SNX29: variants seen among roughly 807,000 people sequenced by gnomAD.
SNX29 encodes sorting nexin 29.
In SNX29, 78 loss-of-function variants were observed where a neutral mutation model predicts 102.1. The observed-to-expected ratio is 0.76, with a 90% CI of 0.64 to 0.92. The LOEUF (loss-of-function observed/expected upper bound fraction) is 0.92. Among genes scored for constraint, SNX29 ranks in the 40% least tolerant of loss-of-function variants. The probability of loss-of-function intolerance (pLI) is 0.00; values close to 1 mark genes in which losing one functional copy is unlikely to be tolerated. For synonymous variants in SNX29, 580 were observed against 414.5 expected, an observed-to-expected ratio of 1.40 and a Z score of -4.85; for missense variants, 1,280 against 1,061.7, an observed-to-expected ratio of 1.21 and a Z score of -2.86.
chr16:12,526,827 C>T, intron 20 of SNX29: 1 of 404,418 alleles, frequency 2.5e-6, no homozygotes, highest in Non-Finnish European at 4.7e-6. Context: ...TCCAGTGTTT[C>T]CCAAACATTC....
chr16:12,549,824 C>G (rs1274507492), intron 20 of SNX29, among the ~76,000 whole-genome samples: 2 of 152,252 alleles, frequency 1.3e-5, no homozygotes, highest in Admixed American at 6.5e-5. Flanking sequence ...CCTGTGTGGC[C>G]AGGCCTTGCC....
intron 20 of SNX29, among the ~76,000 whole-genome samples, chr16:12,561,609 C>G (rs144179396): frequency 6.6e-6 from 1 of 152,194 alleles, no homozygotes; most frequent in East Asian, 1.9e-4. Context: ...CAGGACACAA[C>G]GCAGTGTACC....
chr16:12,531,001 G>T (rs1047487022), intron 20 of SNX29, among the ~76,000 whole-genome samples: 4 of 152,320 alleles, frequency 2.6e-5, no homozygotes, highest in African/African-American at 9.6e-5. Flanking sequence ...CTGTAGTCTG[G>T]AACATCTCGA....
intron 20 of SNX29, among the ~76,000 whole-genome samples, chr16:12,565,458 G>C (rs2078959766): frequency 6.6e-6 from 1 of 152,080 alleles, no homozygotes; most frequent in South Asian, 2.1e-4. Flanking sequence ...TCCTCATCCT[G>C]GGTTCTCTCA....
chr16:12,113,942 C>T (rs560914325), intron 11 of SNX29, among the ~76,000 whole-genome samples: 1 of 152,328 alleles, frequency 6.6e-6, no homozygotes, highest in South Asian at 2.1e-4. Context: ...CTTGTGTAAC[C>T]TCCGCATTTT....
intron 15 of SNX29, among the ~76,000 whole-genome samples, chr16:12,322,155 C>T (rs1012066812): frequency 1.3e-5 from 2 of 152,182 alleles, no homozygotes; most frequent in African/African-American, 4.8e-5. Flanking sequence ...AATGCTTGTC[C>T]CTGCGTCCTA....
chr16:12,330,515 C>T (rs13331380), intron 15 of SNX29, among the ~76,000 whole-genome samples: 8,407 of 152,258 alleles, frequency 0.055, 492 homozygotes, highest in African/African-American at 0.14. Context: ...GCTTTCACTG[C>T]GAACTGTTTA....
rs149570407 is a variant in SNX29, at chr16:12,133,167, A to G, written c.1595+3409A>G. ...TGCAGGTGGATACAGCTAGGGCTTT[A>G]TGGTCCAGGTGCCTGCCTTGTACTG... On this transcript the variant is annotated intron_variant, in intron 13 of 20. Coordinates refer to ENST00000566228, the MANE Select transcript of SNX29 (RefSeq NM_032167.5). 1.4e-3 allele frequency among the ~76,000 whole-genome samples: 203 copies of G among 148,844 alleles called. 2 individuals are homozygous for G. In the Middle Eastern group the frequency reaches 0.014, roughly 10 times the overall value.
Position 12,477,822 on chromosome 16 carries a change from C to T in SNX29, c.2141C>T (p.Ala714Val), listed in dbSNP as rs779581679. ...KLQNKYPQVRAYNFPPKKAIG... is the reference protein window; with the variant it reads ...KLQNKYPQVRVYNFPPKKAIG... ...CAAAACAAGTACCCTCAAGTGAGGG[C>T]CTACAACTTCCCACCCAAAAAGGCC... The change falls in exon 19 of 21, where the codon GCC (alanine) becomes GTC (valine). Residue 714 changes from alanine to valine, a missense_variant. Transcript: ENST00000566228. 3 of 1,611,552 alleles carry T rather than the reference C, an allele frequency of 1.9e-6. No individual in the cohort carries two copies. The highest frequency in any genetic ancestry group is 2.5e-6 in the Non-Finnish European group (3 of 1,179,130).
chr16:12,285,759 T>A (rs1295626079), intron 15 of SNX29, among the ~76,000 whole-genome samples: 1 of 152,258 alleles, frequency 6.6e-6, no homozygotes, highest in Non-Finnish European at 1.5e-5. Flanking sequence ...AATAAAATAC[T>A]GGATTTTTTA....
At chr16:12,052,865 T>G (rs2050363476) in intron 8 of SNX29, 1 of 154,008 alleles carries the variant, frequency 6.5e-6, no homozygotes, top group Non-Finnish European at 1.4e-5. Context: ...TGGATTTTCC[T>G]TGCATCTGAC....
At position 12,010,617 on chromosome 16, in the gene SNX29, C is replaced by G. The variant is rs533307800; in HGVS notation, c.122+7574C>G. On this transcript the variant is annotated intron_variant, in intron 3 of 20. Transcript: ENST00000566228. ...CTCTAGCCTGGGCGATGTGAGACCTCGTCTCAAAACAAACAAACAAACAAA... is the reference window on the plus strand; with the variant it reads ...CTCTAGCCTGGGCGATGTGAGACCTGGTCTCAAAACAAACAAACAAACAAA... 5.9e-5 allele frequency among the ~76,000 whole-genome samples: 9 copies of G among 152,162 alleles called. No homozygotes were observed. In the Middle Eastern group the frequency reaches 0.01, roughly 173 times the overall value.
chr16:12,482,401 A>C (rs2087989709), intron 19 of SNX29, among the ~76,000 whole-genome samples: 1 of 152,062 alleles, frequency 6.6e-6, no homozygotes, highest in African/African-American at 2.4e-5. Context: ...TCCTGGGTTC[A>C]AGTGACCCTC....
chr16:12,514,872 CAAAGAAAG>C (rs540042573), intron 19 of SNX29, among the ~76,000 whole-genome samples: 7 of 137,728 alleles, frequency 5.1e-5, no homozygotes, highest in South Asian at 2.4e-4. Flanking sequence ...CTCTAAAAAA[CAAAGAAAG>C]AAAGAAAGAG....
At chr16:12,504,272 C>T (rs1462829012) in intron 19 of SNX29, among the ~76,000 whole-genome samples, 1 of 152,160 alleles carries the variant, frequency 6.6e-6, no homozygotes, top group Non-Finnish European at 1.5e-5. Context: ...CCAGGTGATT[C>T]ACCCCTTTAA....
chr16:12,543,372 A>G (rs1176632635), intron 20 of SNX29, among the ~76,000 whole-genome samples: 1 of 152,180 alleles, frequency 6.6e-6, no homozygotes, highest in Non-Finnish European at 1.5e-5. Flanking sequence ...AAGCTCATGG[A>G]CTGAACATGA....
chr16:12,494,272 G>A (rs1412760590), intron 19 of SNX29, among the ~76,000 whole-genome samples: 2 of 152,090 alleles, frequency 1.3e-5, no homozygotes, highest in Non-Finnish European at 2.9e-5. Context: ...CGTCCTCCCT[G>A]TGCCTCCTGC....
chr16:12,123,503 A>G (rs1216952971), intron 11 of SNX29, among the ~76,000 whole-genome samples: 1 of 152,180 alleles, frequency 6.6e-6, no homozygotes, highest in South Asian at 2.1e-4. Context: ...TATCATATAC[A>G]TATACATCAT....
At chr16:12,373,855 C>A (rs1210594249) in intron 16 of SNX29, 1 of 152,246 alleles carries the variant, frequency 6.6e-6, no homozygotes. Flanking sequence ...GTCAACACTG[C>A]TGTTTTCACA....
Sources: allele counts gnomAD v4.1 joint callset (sites outside exome capture counted in the v4.1 genomes callset), GRCh38; gene constraint gnomAD v4.1.1; transcripts MANE v1.5; gene names NCBI Gene and HGNC (gene_info 2026-07-23, HGNC 2026-07-21).